The following PLCG2 variants were observed in gnomAD, a reference collection of about 807,000 sequenced individuals.
The protein encoded by PLCG2 is 1-phosphatidylinositol 4,5-bisphosphate phosphodiesterase gamma-2.
In PLCG2, 69 loss-of-function variants were observed where a neutral mutation model predicts 175.6. The observed-to-expected ratio is 0.39, with a 90% CI of 0.32 to 0.48. PLCG2 has a LOEUF of 0.48. PLCG2 is among the 20% of genes least tolerant of loss of function. PLCG2 has a pLI of 0.91. For missense variants in PLCG2, 1,798 were observed against 1,650.9 expected, an observed-to-expected ratio of 1.09 and a Z score of -1.54; for synonymous variants, 827 against 624.0, an observed-to-expected ratio of 1.33 and a Z score of -4.85.
At chr16:81,865,661 T>TCTCC (rs1907192241) in intron 5 of PLCG2, among the ~76,000 whole-genome samples, 2 of 152,108 alleles carry the variant, frequency 1.3e-5, no homozygotes, top group Non-Finnish European at 2.9e-5. Flanking sequence ...GGCCCTGGCC[T>TCTCC]CTTCCTTGCT....
At chr16:81,743,611 C>A (rs1407901182) in intron 1 of PLCG2, among the ~76,000 whole-genome samples, 2 of 152,136 alleles carry the variant, frequency 1.3e-5, no homozygotes, top group Non-Finnish European at 2.9e-5. Context: ...AGACTTAGGG[C>A]TTTTATTGGA....
At chr16:81,813,117 C>T (rs1904390407) in intron 2 of PLCG2, among the ~76,000 whole-genome samples, 1 of 152,204 alleles carries the variant, frequency 6.6e-6, no homozygotes, top group Admixed American at 6.5e-5. Context: ...ATGATGCCTG[C>T]AGCTTGTTCT....
intron 1 of PLCG2, among the ~76,000 whole-genome samples, chr16:81,745,584 G>T (rs530113252): frequency 3.9e-5 from 6 of 152,250 alleles, no homozygotes; most frequent in African/African-American, 1.4e-4. Context: ...CCCTATTATG[G>T]GCTGCATGTA....
At chr16:81,833,670 C>T (rs1338983456) in intron 2 of PLCG2, among the ~76,000 whole-genome samples, 2 of 152,044 alleles carry the variant, frequency 1.3e-5, no homozygotes, top group African/African-American at 4.8e-5. Context: ...GCTGGGACCA[C>T]AGGCATGCAC....
chr16:81,935,275 G>A (rs1408831609), intron 26 of PLCG2, among the ~76,000 whole-genome samples: 2 of 152,020 alleles, frequency 1.3e-5, no homozygotes, highest in African/African-American at 4.8e-5. Flanking sequence ...CCTATTATAA[G>A]GACCCTTGTG....
At chr16:81,931,698 A>C (rs1699280748) in intron 25 of PLCG2, 44 bp downstream of exon 25, 3 of 1,588,734 alleles carry the variant, frequency 1.9e-6, no homozygotes, top group Non-Finnish European at 2.6e-6. Flanking sequence ...TGGCATTCTG[A>C]GGGCTTTGGT....
At chr16:81,871,038 A>T in intron 7 of PLCG2, 103 bp downstream of exon 7, 1 of 594,696 alleles carries the variant, frequency 1.7e-6, no homozygotes, top group Non-Finnish European at 2.9e-6. Flanking sequence ...TTGAATCTCC[A>T]TTTTAGTCAA....
intron 13 of PLCG2, chr16:81,898,142 A>C (rs1359497759): frequency 4.6e-6 from 1 of 219,458 alleles, no homozygotes; most frequent in Non-Finnish European, 9.3e-6. Flanking sequence ...TTGTGAGCTG[A>C]CAGTCATTCA....
rs1218744183 is a variant in PLCG2, at chr16:81,961,992, C to T, written c.*3994C>T. 5.1e-6 allele frequency: 1 copy of T among 196,224 alleles called. No individual in the cohort carries two copies. The highest frequency in any genetic ancestry group is 6.1e-5 in the Admixed American group (1 of 16,350). 12.2% of individuals were successfully genotyped at this position (196,224 alleles called of 1,614,324 possible). A position where few individuals can be genotyped will look rare whatever the true frequency, so the allele number is the denominator to read the frequency against. On this transcript the variant is annotated 3_prime_UTR_variant, in exon 33 of 33. Transcript: ENST00000564138. Reference sequence around the variant, plus strand: ...GATCGCCAGGGTTGATTCGGCTGATCTGGCTGGCTAGGTGGGTGTCCCCTT... The same window carrying T: ...GATCGCCAGGGTTGATTCGGCTGATTTGGCTGGCTAGGTGGGTGTCCCCTT...
intron 2 of PLCG2, among the ~76,000 whole-genome samples, chr16:81,853,564 G>A (rs1011245439): frequency 6.6e-6 from 1 of 152,134 alleles, no homozygotes; most frequent in Admixed American, 6.5e-5. Flanking sequence ...TGGATCCCTC[G>A]CATGCGTAGT....
chr16:81,947,235 G>C (rs1288081400), intron 31 of PLCG2, among the ~76,000 whole-genome samples: 1 of 152,210 alleles, frequency 6.6e-6, no homozygotes, highest in African/African-American at 2.4e-5. Flanking sequence ...GATGAGGGAA[G>C]CTTAATGCCG....
At chr16:81,916,341 TAAAAC>T (rs1909841796) in intron 19 of PLCG2, among the ~76,000 whole-genome samples, 1 of 152,120 alleles carries the variant, frequency 6.6e-6, no homozygotes, top group Non-Finnish European at 1.5e-5. Context: ...ATAAATATTT[TAAAAC>T]AAAAAGTCTC....
chr16:81,786,553 A>T (rs186127158), intron 2 of PLCG2, among the ~76,000 whole-genome samples: 2 of 152,142 alleles, frequency 1.3e-5, no homozygotes, highest in African/African-American at 4.8e-5. Flanking sequence ...GCCTGCAGAA[A>T]CTCATAGCTT....
Position 81,908,574 on chromosome 16 carries a change from C to G in PLCG2, c.1716C>G (p.Asp572Glu). 6.2e-7 allele frequency: 1 copy of G among 1,611,038 alleles called. No homozygotes were observed. The highest frequency in any genetic ancestry group is 8.5e-7 in the Non-Finnish European group (1 of 1,179,172). Residue 572 changes from aspartate to glutamate, a missense_variant, in exon 17 of 33, where the codon GAC becomes GAG. Transcript: ENST00000564138. ...GGGAGAGCGAGACCTTCCCCAATGA[C>G]TACACCCTGTCCTTCTGGTAATGCC... ...LVRESETFPN[D>E]YTLSFWRSGR...
At chr16:81,768,579 T>TTTTTC (rs1378084875) in intron 2 of PLCG2, among the ~76,000 whole-genome samples, 2 of 142,724 alleles carry the variant, frequency 1.4e-5, no homozygotes, top group African/African-American at 5.3e-5. Flanking sequence ...TTTTTTTTTT[T>TTTTTC]CCCGAGATGG....
chr16:81,938,544 G>A (rs1910808315), intron 28 of PLCG2: 1 of 515,866 alleles, frequency 1.9e-6, no homozygotes, highest in Admixed American at 3.5e-5. Flanking sequence ...GTGCATTCAT[G>A]AGCTCAGGTG....
intron 9 of PLCG2, among the ~76,000 whole-genome samples, chr16:81,884,416 CCAAGTACCTA>C (rs1908252557): frequency 2.0e-5 from 3 of 152,036 alleles, no homozygotes; most frequent in Admixed American, 2.0e-4. Context: ...GTATTCAGCA[CCAAGTACCTA>C]CAGTGCTGAG....
intron 11 of PLCG2, among the ~76,000 whole-genome samples, chr16:81,892,359 A>T (rs1567519476): frequency 6.6e-6 from 1 of 152,052 alleles, no homozygotes; most frequent in Non-Finnish European, 1.5e-5. Context: ...AGGATACAGG[A>T]TGTTGCGCTG....
In PLCG2 at chr16:81,905,411, G is replaced by A. The variant is rs1909322985; in HGVS notation, c.1371G>A (p.Lys457=). The change falls in exon 15 of 33, where the codon AAG becomes AAA. Residue 457 remains lysine, a synonymous_variant. Transcript: ENST00000564138. The part of the protein sequence containing the change: ...LREKIIIKHK[K]LGPRGDVDVN... ...ATATGTTTTCCCCTCAGCATAAGAAGCTGGGCCCCCGAGGCGATGTGGATG... is the reference window on the plus strand; with the variant it reads ...ATATGTTTTCCCCTCAGCATAAGAAACTGGGCCCCCGAGGCGATGTGGATG... 6.2e-7 allele frequency: 1 copy of A among 1,613,580 alleles called. No individual in the cohort carries two copies. The highest frequency in any genetic ancestry group is 8.5e-7 in the Non-Finnish European group (1 of 1,179,504).
Sources: allele counts gnomAD v4.1 joint callset (sites outside exome capture counted in the v4.1 genomes callset), GRCh38; gene constraint gnomAD v4.1.1; transcripts MANE v1.5; gene names NCBI Gene and HGNC (gene_info 2026-07-23, HGNC 2026-07-21).